PFDN1: variants seen among roughly 807,000 people sequenced by gnomAD.
PFDN1 encodes prefoldin subunit 1, also known as prefoldin 1.
Under a neutral mutation model 17.3 loss-of-function variants are expected in PFDN1, and 6 were observed. The observed-to-expected ratio is 0.35, with a 90% CI of 0.19 to 0.69. The LOEUF is 0.69. PFDN1 is among the 30% of genes least tolerant of loss of function. The pLI is 0.65. For synonymous variants in PFDN1, 58 were observed against 50.1 expected (o/e 1.16, Z -0.67); for missense variants, 113 against 146.2 (o/e 0.77, Z 1.17).
intron 3 of PFDN1, among the ~76,000 whole-genome samples, chr5:140,252,498 C>G (rs1044525748): frequency 7.2e-5 from 11 of 152,190 alleles, no homozygotes. Context: ...ACACCACCAC[C>G]AACTTCAAGC....
At position 140,254,597 on chromosome 5, in the gene PFDN1, C is replaced by G. The variant is rs1764961045; in HGVS notation, c.286-8540G>C. Among the ~76,000 whole-genome samples the G allele has an allele frequency of 6.6e-6, 1 of 152,148 alleles. No individual in the cohort carries two copies. The highest frequency in any genetic ancestry group is 2.1e-4 in the South Asian group (1 of 4,828). On this transcript the variant is annotated intron_variant, in intron 3 of 3. Coordinates refer to ENST00000261813, the MANE Select transcript of PFDN1 (RefSeq NM_002622.5). The surrounding 1 kb of genome is among the most constrained non-coding windows in gnomAD (Gnocchi z 4.4). ...AAGAATGTAGATGACCCACCCAATA[C>G]CACAGCCTCCTCTCTCCTCACAATT... is the stretch of plus-strand genomic sequence containing the variant.
chr5:140,294,636 T>C (rs1476059492), intron 2 of PFDN1, among the ~76,000 whole-genome samples: 3 of 152,100 alleles, frequency 2.0e-5, no homozygotes, highest in African/African-American at 7.2e-5. Flanking sequence ...TCAGCCAAGC[T>C]GTCATAAAGA....
intron 1 of PFDN1, among the ~76,000 whole-genome samples, chr5:140,302,512 T>C (rs1181694844): frequency 6.6e-6 from 1 of 152,040 alleles, no homozygotes; most frequent in Non-Finnish European, 1.5e-5. Context: ...TCAAAAGAAG[T>C]GGAGGGGGGG....
At chr5:140,262,002 T>G (rs1765072113) in intron 3 of PFDN1, among the ~76,000 whole-genome samples, 1 of 152,030 alleles carries the variant, frequency 6.6e-6, no homozygotes, top group Non-Finnish European at 1.5e-5. Flanking sequence ...AGAACTGGGG[T>G]AAACAGAGAG....
At chr5:140,293,652 T>C (rs1765611903) in intron 2 of PFDN1, among the ~76,000 whole-genome samples, 1 of 152,072 alleles carries the variant, frequency 6.6e-6, no homozygotes, top group Admixed American at 6.5e-5. Context: ...ATGTAATTCT[T>C]ACGCAAATGT....
rs1279982018 is a variant in PFDN1 at position 140,254,400 on chromosome 5, T to TC, written c.286-8344dup. 6.6e-6 allele frequency among the ~76,000 whole-genome samples: 1 copy of TC among 152,124 alleles called. No individual in the cohort carries two copies. Among genetic ancestry groups the TC allele is most frequent in the African/African-American group, 2.4e-5 (1 of 41,422 alleles). The stretch of plus-strand genomic sequence containing the variant: ...CAGCTCACTGCCAAACCATTTCCCC[T>TC]CCTTTATCCTTCATAAACCCTGGTC... On this transcript the variant is annotated intron_variant, in intron 3 of 3. Coordinates refer to ENST00000261813, the MANE Select transcript of PFDN1 (RefSeq NM_002622.5). The surrounding 1 kb of genome is among the most constrained non-coding windows in gnomAD (Gnocchi z 4.4).
At chr5:140,248,215 C>T (rs1764860525) in intron 3 of PFDN1, among the ~76,000 whole-genome samples, 1 of 151,804 alleles carries the variant, frequency 6.6e-6, no homozygotes, top group Non-Finnish European at 1.5e-5. Flanking sequence ...ATTACAGGCA[C>T]ACACCACCAC....
At chr5:140,283,933 A>G (rs1765448696) in intron 2 of PFDN1, among the ~76,000 whole-genome samples, 1 of 152,258 alleles carries the variant, frequency 6.6e-6, no homozygotes, top group Non-Finnish European at 1.5e-5. Context: ...TACATTTTTA[A>G]GTAGCACTGA....
intron 3 of PFDN1, among the ~76,000 whole-genome samples, chr5:140,276,175 T>C (rs1211558527): frequency 1.3e-5 from 2 of 152,176 alleles, no homozygotes; most frequent in South Asian, 2.1e-4. Flanking sequence ...GAAAATCATT[T>C]AGAGCTCTAA....
intron 2 of PFDN1, among the ~76,000 whole-genome samples, chr5:140,298,177 T>C (rs1427977306): frequency 6.6e-6 from 1 of 152,174 alleles, no homozygotes; most frequent in Non-Finnish European, 1.5e-5. Flanking sequence ...TGCTACATTA[T>C]TCATTCTGAG....
At position 140,278,837 on chromosome 5, in the gene PFDN1, T is replaced by TG. The variant is rs550264764; in HGVS notation, c.285+2611dup. On this transcript the variant is annotated intron_variant, in intron 3 of 3. Transcript: ENST00000261813. ...GTGTATATGTGCATAAGTGCACATG[T>TG]GGGGGTGTGCTGAAGTAATAAAACC... 2.2e-4 allele frequency among the ~76,000 whole-genome samples: 34 copies of TG among 152,236 alleles called. No homozygotes were observed. In the East Asian group the frequency reaches 6.2e-3, roughly 28 times the overall value.
intron 2 of PFDN1, among the ~76,000 whole-genome samples, chr5:140,282,711 A>G (rs1380093282): frequency 3.9e-5 from 6 of 152,216 alleles, no homozygotes; most frequent in Non-Finnish European, 8.8e-5. Context: ...TTATGTTCAC[A>G]ATTCTTGCTT....
At chr5:140,298,900 G>A (rs527492601) in intron 2 of PFDN1, among the ~76,000 whole-genome samples, 8 of 152,020 alleles carry the variant, frequency 5.3e-5, no homozygotes, top group Admixed American at 1.3e-4. Context: ...ACAGGTGTGC[G>A]CCACCATGCC....
At position 140,254,792 on chromosome 5, in the gene PFDN1, C is replaced by G. The variant is rs1764963219; in HGVS notation, c.286-8735G>C. 6.6e-6 allele frequency among the ~76,000 whole-genome samples: 1 copy of G among 152,222 alleles called. No homozygotes were observed. The highest frequency in any genetic ancestry group is 1.5e-5 in the Non-Finnish European group (1 of 68,044). ...TTTCTTCAACCTCGTCACGCAACAACTTGTTCATTTTCCATTATGCTTCCA... is the reference window on the plus strand; with the variant it reads ...TTTCTTCAACCTCGTCACGCAACAAGTTGTTCATTTTCCATTATGCTTCCA... On this transcript the variant is annotated intron_variant, in intron 3 of 3. Transcript: ENST00000261813. This position sits in a 1 kb window ranked among gnomAD's most constrained non-coding sequence, Gnocchi z 4.4.
At chr5:140,262,898 AT>A (rs1341560119) in intron 3 of PFDN1, among the ~76,000 whole-genome samples, 1 of 152,174 alleles carries the variant, frequency 6.6e-6, no homozygotes, top group Non-Finnish European at 1.5e-5. Context: ...TATTTTCCAA[AT>A]TAAAAAAAAA....
At chr5:140,293,325 AAAG>A (rs999350553) in intron 2 of PFDN1, 2 of 152,028 alleles carry the variant, frequency 1.3e-5, no homozygotes, top group Non-Finnish European at 2.9e-5. Flanking sequence ...AAAAAAAAAA[AAAG>A]GCCAGGTCTT....
At chr5:140,255,459 C>T (rs186787565) in intron 3 of PFDN1, among the ~76,000 whole-genome samples, 33 of 152,102 alleles carry the variant, frequency 2.2e-4, no homozygotes, top group Admixed American at 1.5e-3. Flanking sequence ...ATCTCTACAG[C>T]GAGACCCCCA....
At chr5:140,276,924 AGTT>A (rs1561507414) in intron 3 of PFDN1, among the ~76,000 whole-genome samples, 1 of 152,050 alleles carries the variant, frequency 6.6e-6, no homozygotes, top group Non-Finnish European at 1.5e-5. Context: ...TATGTTAAAA[AGTT>A]TGAACTGGTT....
intron 1 of PFDN1, 24 bp downstream of exon 1, chr5:140,303,017 C>G: frequency 1.3e-6 from 2 of 1,578,386 alleles, no homozygotes; most frequent in Non-Finnish European, 1.7e-6. Flanking sequence ...AGAAGACCTC[C>G]GCCTGCCAAA....
Sources: gnomAD v4.1 joint callset for allele counts (sites outside exome capture counted in the v4.1 genomes callset) on GRCh38, gnomAD v4.1.1 for gene constraint, Gnocchi (gnomAD v3.1) non-coding constraint, MANE v1.5 for transcripts, NCBI Gene and HGNC (gene_info 2026-07-23, HGNC 2026-07-21) for gene names.